Variants in AFG2A observed in about 807,000 individuals in gnomAD.
The protein encoded by AFG2A is AAA ATPase AFG2A, also known as ATPase family gene 2 protein homolog A.
the AFG2A span, among the ~76,000 whole-genome samples, chr4:122,952,112 A>G: frequency 6.6e-6 from 1 of 152,134 alleles, no homozygotes; most frequent in East Asian, 1.9e-4. Flanking sequence ...CCCCTTTTGT[A>G]ATGTCCTCTA....
the AFG2A span, among the ~76,000 whole-genome samples, chr4:123,134,481 T>G: frequency 6.6e-6 from 1 of 152,118 alleles, no homozygotes; most frequent in Non-Finnish European, 1.5e-5. Context: ...TGATGCTAGG[T>G]ATGGCTTTGC....
the AFG2A span, among the ~76,000 whole-genome samples, chr4:122,962,640 A>C: frequency 6.6e-6 from 1 of 152,242 alleles, no homozygotes; most frequent in Admixed American, 6.5e-5. Flanking sequence ...AAGACTATAA[A>C]AATATAAAAC....
At chr4:123,022,156 G>A in the AFG2A span, among the ~76,000 whole-genome samples, 2 of 152,020 alleles carry the variant, frequency 1.3e-5, no homozygotes, top group Admixed American at 6.5e-5. Flanking sequence ...AACACCGAAA[G>A]CAATGGCAAC....
At chr4:123,001,088 G>A in the AFG2A span, among the ~76,000 whole-genome samples, 3 of 142,450 alleles carry the variant, frequency 2.1e-5, no homozygotes, top group Admixed American at 7.2e-5. Context: ...TAGTTTATTT[G>A]CGTAGAGGTG....
chr4:123,267,998 G>A, the AFG2A span, among the ~76,000 whole-genome samples: 1 of 151,916 alleles, frequency 6.6e-6, no homozygotes, highest in African/African-American at 2.4e-5. Flanking sequence ...CATGAAGAGT[G>A]TATGTTGTCT....
the AFG2A span, among the ~76,000 whole-genome samples, chr4:123,185,450 G>A: frequency 6.6e-6 from 1 of 152,016 alleles, no homozygotes; most frequent in Admixed American, 6.6e-5. Flanking sequence ...GTCTAAGTAT[G>A]AATGTCTACA....
At chr4:123,110,931 G>A in the AFG2A span, among the ~76,000 whole-genome samples, 315 of 152,256 alleles carry the variant, frequency 2.1e-3, no homozygotes, top group Non-Finnish European at 3.5e-3. Context: ...TTGTCATGAT[G>A]TGTCATCAGA....
At chr4:122,971,579 T>C in the AFG2A span, among the ~76,000 whole-genome samples, 1 of 152,194 alleles carries the variant, frequency 6.6e-6, no homozygotes, top group East Asian at 1.9e-4. Flanking sequence ...CTATACTACA[T>C]AGGACCTCTG....
the AFG2A span, among the ~76,000 whole-genome samples, chr4:123,088,300 G>T: frequency 6.6e-6 from 1 of 152,154 alleles, no homozygotes; most frequent in African/African-American, 2.4e-5. Context: ...ACTCTCCTGA[G>T]ACCTGTCCAT....
At chr4:123,131,219 C>CA in the AFG2A span, among the ~76,000 whole-genome samples, 1 of 151,984 alleles carries the variant, frequency 6.6e-6, no homozygotes, top group South Asian at 2.1e-4. Flanking sequence ...GTTCACAGAG[C>CA]AAAAAATTTT....
the AFG2A span, among the ~76,000 whole-genome samples, chr4:123,123,136 A>G: frequency 3.9e-5 from 6 of 152,204 alleles, no homozygotes; most frequent in Admixed American, 2.0e-4. Context: ...ATGTGTTCAT[A>G]TAAGAGACTA....
chr4:123,314,010 A>G, the AFG2A span: 1 of 1,610,822 alleles, frequency 6.2e-7, no homozygotes, highest in Non-Finnish European at 8.5e-7. Context: ...TTCCTGAGTC[A>G]TTGAGACGTT....
chr4:123,037,827 C>T, the AFG2A span, among the ~76,000 whole-genome samples: 1 of 152,114 alleles, frequency 6.6e-6, no homozygotes, highest in African/African-American at 2.4e-5. Flanking sequence ...AAAATCTTAA[C>T]GGGACATTTC....
the AFG2A span, among the ~76,000 whole-genome samples, chr4:123,185,023 C>T: frequency 6.6e-6 from 1 of 152,158 alleles, no homozygotes; most frequent in Non-Finnish European, 1.5e-5. Context: ...AATCTTAAAA[C>T]TCAGGTCTCG....
chr4:123,003,528 G>A, the AFG2A span, among the ~76,000 whole-genome samples: 4 of 152,170 alleles, frequency 2.6e-5, no homozygotes, highest in South Asian at 8.3e-4. Context: ...CTAACAGACA[G>A]GACCCTCAGC....
chr4:123,290,360 A>C, the AFG2A span, among the ~76,000 whole-genome samples: 1 of 152,090 alleles, frequency 6.6e-6, no homozygotes, highest in Non-Finnish European at 1.5e-5. Context: ...ATCCATCTTG[A>C]GTTCTTTTTT....
the AFG2A span, among the ~76,000 whole-genome samples, chr4:123,158,102 T>C: frequency 6.6e-6 from 1 of 152,232 alleles, no homozygotes; most frequent in Non-Finnish European, 1.5e-5. Flanking sequence ...CTGTGAATGA[T>C]GAAAGTGAGT....
At chr4:123,047,534 T>G in the AFG2A span, among the ~76,000 whole-genome samples, 8 of 152,204 alleles carry the variant, frequency 5.3e-5, no homozygotes, top group Admixed American at 5.2e-4. Flanking sequence ...ACTTTCTTAA[T>G]TGTTTCCTTT....
chr4:123,275,055 A>G, the AFG2A span, among the ~76,000 whole-genome samples: 3 of 152,090 alleles, frequency 2.0e-5, no homozygotes, highest in Non-Finnish European at 4.4e-5. Flanking sequence ...TTTCCTCTGC[A>G]GTGCTTTTCC....
Sources: gnomAD v4.1 joint callset for allele counts (sites outside exome capture counted in the v4.1 genomes callset) on GRCh38, gnomAD v4.1.1 for gene constraint, MANE v1.5 for transcripts, NCBI Gene and HGNC (gene_info 2026-07-23, HGNC 2026-07-21) for gene names.